Variants in GAS2 observed in about 807,000 individuals in gnomAD.
GAS2 encodes growth arrest specific 2.
In GAS2, 20 loss-of-function variants were observed where a neutral mutation model predicts 37.5. The observed-to-expected ratio is 0.53, with a 90% confidence interval of 0.37 to 0.77. The LOEUF (loss-of-function observed/expected upper bound fraction) is 0.77, where lower values mean the gene tolerates loss of function less well. Ranked by LOEUF, GAS2 falls within the 30% of genes least tolerant of loss-of-function variation. The pLI is 0.00. For synonymous variants in GAS2, 144 were observed against 132.2 expected, an observed-to-expected ratio of 1.09 and a Z score of -0.61; for missense variants, 336 against 373.4, an observed-to-expected ratio of 0.90 and a Z score of 0.82.
At position 22,705,520 on chromosome 11, in the gene GAS2, C is replaced by G. The variant is rs183852523; in HGVS notation, c.267+19731C>G. Among the ~76,000 whole-genome samples, 143 of 152,194 alleles carry G rather than the reference C, an allele frequency of 9.4e-4. No homozygotes were observed. The Middle Eastern group carries it at 0.01, about 11-fold the overall frequency. The stretch of plus-strand genomic sequence containing the variant: ...AAGACTAAAGCATTATTGGGTCCTC[C>G]CCAAGAACTTGCAGTCTAGTTAGGT... On this transcript the variant is annotated intron_variant, in intron 3 of 7. Transcript: ENST00000454584.
intron 1 of GAS2, among the ~76,000 whole-genome samples, chr11:22,667,537 G>C (rs1849032831): frequency 6.6e-6 from 1 of 152,178 alleles, no homozygotes; most frequent in African/African-American, 2.4e-5. Flanking sequence ...ATTTTGCGTG[G>C]TATCGTTCTT....
intron 1 of GAS2, among the ~76,000 whole-genome samples, chr11:22,649,258 A>T (rs1217322398): frequency 1.3e-5 from 2 of 152,244 alleles, no homozygotes; most frequent in Middle Eastern, 6.8e-3. Context: ...TGCATCCCAG[A>T]GATGAAACCC....
At chr11:22,798,430 T>TA (rs1856525522) in intron 7 of GAS2, among the ~76,000 whole-genome samples, 1 of 152,058 alleles carries the variant, frequency 6.6e-6, no homozygotes. Flanking sequence ...ATTCTGGTCA[T>TA]ACAGCAAGTT....
chr11:22,790,295 C>T (rs940372023), intron 7 of GAS2, among the ~76,000 whole-genome samples: 1 of 152,150 alleles, frequency 6.6e-6, no homozygotes, highest in Non-Finnish European at 1.5e-5. Flanking sequence ...CTCTCCTATC[C>T]CTCTCGCATT....
intron 4 of GAS2, among the ~76,000 whole-genome samples, chr11:22,732,203 A>G (rs12278866): frequency 0.18 from 27,223 of 151,592 alleles, 2,640 homozygotes; most frequent in East Asian, 0.37. Flanking sequence ...CAACTTAGAA[A>G]AGACTCACCT....
At chr11:22,728,522 C>T (rs1198849584) in intron 4 of GAS2, among the ~76,000 whole-genome samples, 1 of 151,028 alleles carries the variant, frequency 6.6e-6, no homozygotes, top group African/African-American at 2.4e-5. Context: ...ATAAAAAGCC[C>T]ATAAGTTATA....
upstream of GAS2, among the ~76,000 whole-genome samples, chr11:22,665,384 G>A (rs149957443): frequency 6.6e-6 from 1 of 152,014 alleles, no homozygotes; most frequent in Admixed American, 6.5e-5. Flanking sequence ...ATTCTTTGTT[G>A]GGGCTCTAGG....
chr11:22,668,409 C>T (rs1383308750), intron 1 of GAS2: 3 of 152,206 alleles, frequency 2.0e-5, no homozygotes, highest in Non-Finnish European at 4.4e-5. Flanking sequence ...ACAGGGCTGC[C>T]TGAATGGTCC....
chr11:22,680,661 G>C (rs781188069), intron 2 of GAS2, among the ~76,000 whole-genome samples: 3 of 152,042 alleles, frequency 2.0e-5, no homozygotes, highest in Non-Finnish European at 4.4e-5. Flanking sequence ...CAGTCTACAA[G>C]GTGGATTGCT....
chr11:22,751,007 C>T (rs1590088204), intron 6 of GAS2, among the ~76,000 whole-genome samples: 2 of 151,944 alleles, frequency 1.3e-5, no homozygotes, highest in African/African-American at 4.8e-5. Context: ...ACACTGTTGA[C>T]CACTCCATTC....
At chr11:22,706,704 T>C (rs1851141151) in intron 3 of GAS2, among the ~76,000 whole-genome samples, 1 of 152,194 alleles carries the variant, frequency 6.6e-6, no homozygotes, top group Admixed American at 6.5e-5. Context: ...ATGGTGCATA[T>C]GTGCCACATT....
intron 7 of GAS2, among the ~76,000 whole-genome samples, chr11:22,764,561 C>CAAAAAAAAAAAAA (rs71311297): frequency 6.5e-5 from 4 of 61,682 alleles, no homozygotes; most frequent in East Asian, 4.2e-4. Flanking sequence ...GACTCCGTCT[C>CAAAAAAAAAAAAA]AAAAAAAAAA....
At chr11:22,736,355 A>C (rs1209392713) in intron 4 of GAS2, among the ~76,000 whole-genome samples, 1 of 152,044 alleles carries the variant, frequency 6.6e-6, no homozygotes, top group African/African-American at 2.4e-5. Context: ...TGTTATCAGT[A>C]ATAGAAATAT....
chr11:22,731,938 A>G (rs1852497998), intron 4 of GAS2, among the ~76,000 whole-genome samples: 1 of 151,614 alleles, frequency 6.6e-6, no homozygotes, highest in Admixed American at 6.6e-5. Context: ...TTAGTATTTC[A>G]ATTCACTTTT....
At position 22,765,470 on chromosome 11, in the gene GAS2, G is replaced by A. The variant is rs115210045; in HGVS notation, c.723+9517G>A. Reference sequence around the variant, plus strand: ...ACATATACTGCATTAGGCCATTACTGCATTGCTATAAAGAAATACCTGAGA... The same window carrying A: ...ACATATACTGCATTAGGCCATTACTACATTGCTATAAAGAAATACCTGAGA... On this transcript the variant is annotated intron_variant, in intron 7 of 7. Transcript: ENST00000454584. Among the ~76,000 whole-genome samples the A allele has an allele frequency of 4.7e-3, 718 of 151,862 alleles. 3 individuals are homozygous for A. Among genetic ancestry groups the A allele is most frequent in the African/African-American group, 0.017 (687 of 41,218 alleles).
chr11:22,708,600 T>A (rs2928342), intron 3 of GAS2, among the ~76,000 whole-genome samples: 41,095 of 151,964 alleles, frequency 0.27, 6,388 homozygotes, highest in East Asian at 0.64. Context: ...ACCACTCCAT[T>A]CTGCTGCCCG....
At chr11:22,634,857 G>A (rs1858800592) in intron 1 of GAS2, among the ~76,000 whole-genome samples, 1 of 152,154 alleles carries the variant, frequency 6.6e-6, no homozygotes, top group Non-Finnish European at 1.5e-5. Flanking sequence ...TGGCCTTAAT[G>A]TGTTGCTATT....
intron 1 of GAS2, among the ~76,000 whole-genome samples, chr11:22,651,285 T>C (rs964750234): frequency 2.6e-5 from 4 of 152,322 alleles, no homozygotes; most frequent in African/African-American, 7.2e-5. Flanking sequence ...TGCTGAGAGA[T>C]CCGCTGTTAG....
At chr11:22,718,847 AAAG>A (rs34958962) in intron 3 of GAS2, among the ~76,000 whole-genome samples, 2,285 of 152,158 alleles carry the variant, frequency 0.015, 43 homozygotes, top group African/African-American at 0.042. Context: ...AGTTGGGAGA[AAAG>A]AAGCTGTTCG....
Sources: allele counts gnomAD v4.1 joint callset (sites outside exome capture counted in the v4.1 genomes callset), GRCh38; gene constraint gnomAD v4.1.1; transcripts MANE v1.5; gene names NCBI Gene and HGNC (gene_info 2026-07-23, HGNC 2026-07-21).